The following ESRRG variants were observed in gnomAD, a reference collection of about 807,000 sequenced individuals.
ESRRG encodes the protein estrogen related receptor gamma, also known as estrogen-related receptor gamma.
A neutral mutation model predicts 44.0 loss-of-function variants in ESRRG; 13 were observed. That is an observed-to-expected ratio of 0.30 (90% CI 0.19 to 0.47). ESRRG has a LOEUF of 0.47. Ranked by LOEUF, ESRRG falls within the 20% of genes least tolerant of loss-of-function variation. The pLI is 1.00. For missense variants in ESRRG, 395 were observed against 580.6 expected, an observed-to-expected ratio of 0.68 and a Z score of 3.29; for synonymous variants, 215 against 214.6, an observed-to-expected ratio of 1.00 and a Z score of -0.02.
chr1:216,737,802 C>T (rs560261016), intron 2 of ESRRG, among the ~76,000 whole-genome samples: 55 of 151,798 alleles, frequency 3.6e-4, no homozygotes, highest in African/African-American at 1.3e-3. Context: ...ATAAACTTAT[C>T]TGCTTACTCA....
At chr1:217,047,503 C>T (rs1240671616) in intron 1 of ESRRG, among the ~76,000 whole-genome samples, 1 of 152,166 alleles carries the variant, frequency 6.6e-6, no homozygotes, top group Non-Finnish European at 1.5e-5. Flanking sequence ...CCATTAATTT[C>T]CCTCCATCCC....
intron 2 of ESRRG, among the ~76,000 whole-genome samples, chr1:216,840,345 C>G (rs1403810650): frequency 6.6e-6 from 1 of 152,172 alleles, no homozygotes; most frequent in East Asian, 1.9e-4. Context: ...CTCTCTCAGC[C>G]TTCACAGAAT....
chr1:216,938,226 G>A (rs1316864999), intron 2 of ESRRG, among the ~76,000 whole-genome samples: 2 of 152,176 alleles, frequency 1.3e-5, no homozygotes, highest in Admixed American at 6.6e-5. Context: ...TATTTCTAGT[G>A]TACAAATCAT....
rs577580116 is a variant in ESRRG at position 216,514,406 on chromosome 1, C to T, written c.1132+4746G>A. On this transcript the variant is annotated intron_variant, in intron 6 of 6. Coordinates refer to ENST00000408911, the MANE Select transcript of ESRRG (RefSeq NM_001438.4). ...AAAATTAGGAACAAAGCTCTACCTG[C>T]CACACAAAGCTTACATATATTCATT... 3.9e-4 allele frequency among the ~76,000 whole-genome samples: 60 copies of T among 152,136 alleles called. 1 individual carries two copies. The highest frequency in any genetic ancestry group is 2.9e-3 in the Admixed American group (44 of 15,272).
intron 3 of ESRRG, among the ~76,000 whole-genome samples, chr1:216,619,520 C>T (rs914415907): frequency 3.9e-5 from 6 of 152,112 alleles, no homozygotes; most frequent in Admixed American, 2.6e-4. Flanking sequence ...CATATGGCAG[C>T]CGTAAGAGCT....
chr1:216,943,635 A>C (rs2065615064), intron 1 of ESRRG, among the ~76,000 whole-genome samples: 1 of 152,052 alleles, frequency 6.6e-6, no homozygotes, highest in South Asian at 2.1e-4. Context: ...CACACATACA[A>C]AAGCCTGAAC....
At chr1:216,932,905 T>C (rs776709750) in intron 2 of ESRRG, among the ~76,000 whole-genome samples, 1 of 151,792 alleles carries the variant, frequency 6.6e-6, no homozygotes, top group African/African-American at 2.4e-5. Flanking sequence ...GACAATTTCT[T>C]ATAAAATTGA....
intron 1 of ESRRG, among the ~76,000 whole-genome samples, chr1:217,134,535 AGGTTATTTTC>A (rs2093020504): frequency 6.6e-6 from 1 of 152,054 alleles, no homozygotes; most frequent in Non-Finnish European, 1.5e-5. Context: ...CCAAGACCCG[AGGTTATTTTC>A]AGTCACAACT....
At chr1:216,736,775 G>C (rs759029922) in intron 2 of ESRRG, among the ~76,000 whole-genome samples, 9 of 152,058 alleles carry the variant, frequency 5.9e-5, no homozygotes, top group Non-Finnish European at 8.8e-5. Context: ...CTCCACCCCT[G>C]ACCTACTGGG....
At chr1:216,575,516 G>A (rs894197605) in intron 3 of ESRRG, among the ~76,000 whole-genome samples, 1 of 152,066 alleles carries the variant, frequency 6.6e-6, no homozygotes, top group Non-Finnish European at 1.5e-5. Flanking sequence ...TGGTTATTGA[G>A]AACTTATCAT....
At chr1:216,559,499 G>A (rs2058287406) in intron 5 of ESRRG, among the ~76,000 whole-genome samples, 1 of 152,140 alleles carries the variant, frequency 6.6e-6, no homozygotes, top group Non-Finnish European at 1.5e-5. Flanking sequence ...CAATGATACA[G>A]ACCCAAAACA....
intron 2 of ESRRG, among the ~76,000 whole-genome samples, chr1:216,674,521 T>C (rs2075757320): frequency 6.6e-6 from 1 of 152,166 alleles, no homozygotes; most frequent in African/African-American, 2.4e-5. Flanking sequence ...GTGCTCTTCA[T>C]TTAAAACTAT....
intron 1 of ESRRG, among the ~76,000 whole-genome samples, chr1:216,715,429 T>C (rs1475435456): frequency 2.6e-5 from 4 of 152,160 alleles, no homozygotes; most frequent in Non-Finnish European, 5.9e-5. Context: ...TCTGTTTTAA[T>C]GGATTAATGG....
At chr1:216,802,592 A>T (rs2094657521) in intron 2 of ESRRG, among the ~76,000 whole-genome samples, 1 of 152,194 alleles carries the variant, frequency 6.6e-6, no homozygotes, top group Admixed American at 6.6e-5. Flanking sequence ...ACAGCAGAGT[A>T]GTAAACCAAG....
chr1:216,985,159 T>G (rs2074657594), intron 1 of ESRRG, among the ~76,000 whole-genome samples: 1 of 152,196 alleles, frequency 6.6e-6, no homozygotes, highest in Non-Finnish European at 1.5e-5. Flanking sequence ...TGAATAACTA[T>G]GAACTTCAAA....
chr1:217,083,148 A>G (rs2091877054), intron 1 of ESRRG, among the ~76,000 whole-genome samples: 1 of 152,244 alleles, frequency 6.6e-6, no homozygotes, highest in Admixed American at 6.5e-5. Flanking sequence ...TAAGCAACAA[A>G]GGGCTTGTAT....
At chr1:216,683,740 C>T (rs1037229274) in intron 1 of ESRRG, among the ~76,000 whole-genome samples, 7 of 152,182 alleles carry the variant, frequency 4.6e-5, no homozygotes, top group African/African-American at 1.7e-4. Context: ...TAATTTCATA[C>T]CTACTGACCA....
intron 2 of ESRRG, among the ~76,000 whole-genome samples, chr1:216,895,700 G>A (rs1016618249): frequency 2.6e-5 from 4 of 152,220 alleles, no homozygotes; most frequent in Non-Finnish European, 2.9e-5. Context: ...GCTATAGTCC[G>A]ACTGACCTGA....
chr1:217,055,168 T>C (rs140685537), intron 1 of ESRRG, among the ~76,000 whole-genome samples: 2 of 152,314 alleles, frequency 1.3e-5, no homozygotes, highest in Non-Finnish European at 2.9e-5. Flanking sequence ...ATAGCCCTTT[T>C]TTTCATGCAT....
Sources: gnomAD v4.1 joint callset for allele counts (sites outside exome capture counted in the v4.1 genomes callset) on GRCh38, gnomAD v4.1.1 for gene constraint, MANE v1.5 for transcripts, NCBI Gene and HGNC (gene_info 2026-07-23, HGNC 2026-07-21) for gene names.